The following ANGPT2 variants were observed in gnomAD, a reference collection of about 807,000 sequenced individuals.
The protein encoded by ANGPT2 is angiopoietin 2, also known as angiopoietin-2.
A neutral mutation model predicts 62.9 loss-of-function variants in ANGPT2; 28 were observed. The observed-to-expected ratio is 0.44, with a 90% CI of 0.33 to 0.61. The LOEUF is 0.61. Ranked by LOEUF, ANGPT2 falls within the 20% of genes least tolerant of loss-of-function variation. The pLI is 0.03. For synonymous variants in ANGPT2, 284 were observed against 207.8 expected, an observed-to-expected ratio of 1.37 and a Z score of -3.15; for missense variants, 727 against 594.9, an observed-to-expected ratio of 1.22 and a Z score of -2.31.
intron 8 of ANGPT2, among the ~76,000 whole-genome samples, chr8:6,503,719 A>C (rs1015422476): frequency 6.6e-6 from 1 of 152,238 alleles, no homozygotes; most frequent in Non-Finnish European, 1.5e-5. Flanking sequence ...CTAAAATATT[A>C]AGTACTCAGT....
At chr8:6,522,386 G>T (rs1211935844) in intron 3 of ANGPT2, among the ~76,000 whole-genome samples, 1 of 151,706 alleles carries the variant, frequency 6.6e-6, no homozygotes, top group Non-Finnish European at 1.5e-5. Context: ...TAAACGCTTA[G>T]ACTAGCGCCT....
At chr8:6,520,084 A>C in intron 4 of ANGPT2, 93 bp from the exon 5 acceptor site, 1 of 1,450,588 alleles carries the variant, frequency 6.9e-7, no homozygotes. Context: ...GAGTTTTATT[A>C]CTTTGGAATT....
At chr8:6,506,149 G>A (rs1813688051) in intron 8 of ANGPT2, among the ~76,000 whole-genome samples, 1 of 151,700 alleles carries the variant, frequency 6.6e-6, no homozygotes, top group African/African-American at 2.4e-5. Flanking sequence ...TCAGGTGAAT[G>A]CAGATTGGAC....
At chr8:6,528,012 C>T (rs1818705123) in intron 2 of ANGPT2, among the ~76,000 whole-genome samples, 1 of 151,426 alleles carries the variant, frequency 6.6e-6, no homozygotes, top group Non-Finnish European at 1.5e-5. Context: ...TCTTCTGCCT[C>T]ATTCTCCCCA....
At chr8:6,533,786 A>G (rs961996998) in intron 1 of ANGPT2, among the ~76,000 whole-genome samples, 6 of 152,100 alleles carry the variant, frequency 3.9e-5, no homozygotes, top group Non-Finnish European at 5.9e-5. Context: ...TAGAGAAACC[A>G]TTCGTGGAGT....
chr8:6,510,029 A>T (rs950002890), intron 7 of ANGPT2, among the ~76,000 whole-genome samples: 1 of 152,208 alleles, frequency 6.6e-6, no homozygotes, highest in African/African-American at 2.4e-5. Context: ...ACACCATCGT[A>T]AAGTCGAAAA....
chr8:6,553,474 G>A (rs1231331464), intron 1 of ANGPT2, among the ~76,000 whole-genome samples: 1 of 152,068 alleles, frequency 6.6e-6, no homozygotes, highest in African/African-American at 2.4e-5. Flanking sequence ...AATTGCGTCG[G>A]CTTCACACGT....
chr8:6,527,197 G>A (rs115231162), intron 3 of ANGPT2, among the ~76,000 whole-genome samples: 3,554 of 147,788 alleles, frequency 0.024, 337 homozygotes, highest in African/African-American at 0.09. Context: ...CTGAGGCAGG[G>A]TTTGGAGGAT....
intron 1 of ANGPT2, among the ~76,000 whole-genome samples, chr8:6,539,120 A>C (rs1057411477): frequency 3.3e-5 from 5 of 152,188 alleles, no homozygotes; most frequent in Non-Finnish European, 7.3e-5. Flanking sequence ...GCTGAGCCTA[A>C]AGAGGGAAGG....
chr8:6,542,293 T>G lies in ANGPT2; in HGVS notation c.289-9806A>C, dbSNP rs573269617. Among the ~76,000 whole-genome samples, 986 of 137,802 alleles carry G rather than the reference T, an allele frequency of 7.2e-3. 13 individuals carry two copies. The highest frequency in any genetic ancestry group is 0.03 in the African/African-American group (955 of 31,966). 90.4% of individuals were successfully genotyped at this position (137,802 alleles called of 152,430 possible). On this transcript the variant is annotated intron_variant, in intron 1 of 8. Coordinates refer to ENST00000629816, the MANE Select transcript of ANGPT2 (RefSeq NM_001118887.2). Reference sequence around the variant, plus strand: ...TTTGTCTACACATGTGAGGTAGGGGTGTGTGTGTGTGTGTGTGTATCTGTG... The same window carrying G: ...TTTGTCTACACATGTGAGGTAGGGGGGTGTGTGTGTGTGTGTGTATCTGTG...
intron 4 of ANGPT2, among the ~76,000 whole-genome samples, chr8:6,520,585 A>G (rs1817131003): frequency 6.6e-6 from 1 of 152,128 alleles, no homozygotes; most frequent in South Asian, 2.1e-4. Flanking sequence ...TAGTAGAGAC[A>G]GGATTTCACC....
In ANGPT2 at chr8:6,532,368, C is replaced by T. The variant is rs6559167; in HGVS notation, c.408G>A (p.Ala136=). The change falls in exon 2 of 9, where the codon GCG becomes GCA. Residue 136 remains alanine, a synonymous_variant. Coordinates refer to ENST00000629816, the MANE Select transcript of ANGPT2 (RefSeq NM_001118887.2). ...EIGTNLLNQT[A]EQTRKLTDVE... Reference sequence around the variant, plus strand: ...CATCAGTTAACTTCCGCGTTTGCTCCGCTGTTTGGTTCAACAGGTTTGTCC... The same window carrying T: ...CATCAGTTAACTTCCGCGTTTGCTCTGCTGTTTGGTTCAACAGGTTTGTCC... 6.2e-7 allele frequency: 1 copy of T among 1,613,680 alleles called. No individual in the cohort carries two copies. The highest frequency in any genetic ancestry group is 8.5e-7 in the Non-Finnish European group (1 of 1,179,924).
At chr8:6,532,637 A>T (rs1393828350) in intron 1 of ANGPT2, 150 bp from the exon 2 acceptor site, 3 of 617,060 alleles carry the variant, frequency 4.9e-6, no homozygotes, top group East Asian at 6.7e-5. Flanking sequence ...GAATCTTACT[A>T]TTTTTTTTTA....
rs117065062 is a variant in ANGPT2, at chr8:6,512,843, A to G, written c.1196+835T>C. 2.0e-3 allele frequency among the ~76,000 whole-genome samples: 303 copies of G among 152,348 alleles called. 9 individuals are homozygous for G. The South Asian group carries it at 0.041, about 21-fold the overall frequency. On this transcript the variant is annotated intron_variant, in intron 7 of 8. Transcript: ENST00000629816. ...GGTAAACACCCAGGGAATGCTGTGAATCTGATGTATTTCCTGTAGAGGAGA... is the reference window on the plus strand; with the variant it reads ...GGTAAACACCCAGGGAATGCTGTGAGTCTGATGTATTTCCTGTAGAGGAGA...
At chr8:6,514,580 T>G in intron 6 of ANGPT2, 97 bp downstream of exon 6, 3 of 1,033,384 alleles carry the variant, frequency 2.9e-6, no homozygotes, top group Non-Finnish European at 3.0e-6. Context: ...TCAAAAGTCA[T>G]TGGTTAGTTT....
In ANGPT2 at chr8:6,509,077, A is replaced by G; in HGVS notation, c.1197-15T>C. ...TAAGGTGAATCCTGTAAGCGTGCAA[A>G]GAAAAAAAACACATTGGCTAGGGTC... On this transcript the variant is annotated splice_polypyrimidine_tract_variant and intron_variant, in intron 7 of 8. Coordinates refer to ENST00000629816, the MANE Select transcript of ANGPT2 (RefSeq NM_001118887.2). 6.2e-7 allele frequency: 1 copy of G among 1,611,236 alleles called. No homozygotes were observed. Among genetic ancestry groups the G allele is most frequent in the Non-Finnish European group, 8.5e-7 (1 of 1,178,620 alleles).
At chr8:6,515,034 C>G (rs1422798422) in intron 5 of ANGPT2, among the ~76,000 whole-genome samples, 1 of 152,152 alleles carries the variant, frequency 6.6e-6, no homozygotes, top group Non-Finnish European at 1.5e-5. Context: ...ACTCACTTGT[C>G]ATCATCTGTT....
intron 1 of ANGPT2, among the ~76,000 whole-genome samples, chr8:6,538,471 C>T (rs1820910642): frequency 6.6e-6 from 1 of 152,162 alleles, no homozygotes; most frequent in East Asian, 1.9e-4. Context: ...GGATAAGGTC[C>T]AGATTCCTTC....
At chr8:6,521,437 G>A in intron 3 of ANGPT2, 27 bp from the exon 4 acceptor site, 1 of 1,471,602 alleles carries the variant, frequency 6.8e-7, no homozygotes, top group South Asian at 1.2e-5. Context: ...TTGTTAGTTA[G>A]TGAAGGCTAT....
Sources: allele counts gnomAD v4.1 joint callset (sites outside exome capture counted in the v4.1 genomes callset), GRCh38; gene constraint gnomAD v4.1.1; transcripts MANE v1.5; gene names NCBI Gene and HGNC (gene_info 2026-07-23, HGNC 2026-07-21).